SPATS2L: variants seen among roughly 807,000 people sequenced by gnomAD.
SPATS2L encodes the protein SPATS2-like protein.
SPATS2L carries 30 observed loss-of-function variants against 59.6 expected under a neutral mutation model. The observed-to-expected ratio is 0.50, with a 90% CI of 0.38 to 0.68. SPATS2L has a LOEUF of 0.68. Ranked by LOEUF, SPATS2L falls within the 30% of genes least tolerant of loss-of-function variation. SPATS2L has a pLI of 0.00. For missense variants in SPATS2L, 615 were observed against 700.0 expected (o/e 0.88, Z 1.37); for synonymous variants, 252 against 263.5 (o/e 0.96, Z 0.42).
At position 200,481,830 on chromosome 2, in the gene SPATS2L, GCCA is replaced by G. The variant is rs1317900408; in HGVS notation, c.*3804_*3806del. The G allele has an allele frequency of 6.6e-6, 1 of 152,104 alleles. No individual in the cohort carries two copies. Among genetic ancestry groups the G allele is most frequent in the African/African-American group, 2.4e-5 (1 of 41,362 alleles). 9.4% of individuals were successfully genotyped at this position (152,104 alleles called of 1,614,324 possible). On this transcript the variant is annotated 3_prime_UTR_variant, in exon 13 of 13. Transcript: ENST00000409140. ...CGAGTAGCTGGGACTACAGGCACCC[GCCA>G]CCACACCTGGCTAATTTTTTGTATT... is the stretch of plus-strand genomic sequence containing the variant.
intron 6 of SPATS2L, among the ~76,000 whole-genome samples, chr2:200,430,398 C>T (rs2083838234): frequency 1.3e-5 from 2 of 151,110 alleles, no homozygotes; most frequent in South Asian, 4.2e-4. Context: ...AAAGACTTTA[C>T]ACTAATTGAG....
At chr2:200,430,395 TTACAC>T (rs1421963397) in intron 6 of SPATS2L, among the ~76,000 whole-genome samples, 1 of 152,044 alleles carries the variant, frequency 6.6e-6, no homozygotes. Context: ...TAAAAAGACT[TTACAC>T]TAATTGAGGA....
intron 2 of SPATS2L, among the ~76,000 whole-genome samples, chr2:200,364,298 C>T (rs532306055): frequency 2.6e-5 from 4 of 152,246 alleles, no homozygotes; most frequent in African/African-American, 9.6e-5. Flanking sequence ...CACAGTGTTT[C>T]CTCTCCTGTT....
chr2:200,347,954 A>G (rs1316396504), intron 2 of SPATS2L, among the ~76,000 whole-genome samples: 1 of 152,182 alleles, frequency 6.6e-6, no homozygotes, highest in Non-Finnish European at 1.5e-5. Flanking sequence ...TTCTCTTTCC[A>G]TTATCACCCC....
At chr2:200,418,616 T>TAATC (rs1553527138) in intron 5 of SPATS2L, among the ~76,000 whole-genome samples, 70 of 145,508 alleles carry the variant, frequency 4.8e-4, no homozygotes, top group African/African-American at 1.7e-3. Context: ...AATAAATAAA[T>TAATC]AATCATGGGG....
intron 1 of SPATS2L, among the ~76,000 whole-genome samples, chr2:200,321,701 T>A (rs1031583940): frequency 3.9e-5 from 6 of 152,246 alleles, no homozygotes; most frequent in African/African-American, 1.4e-4. Flanking sequence ...AGACAACAAA[T>A]TCAAAGTGAA....
rs2087786115 is a variant in SPATS2L, at chr2:200,481,886, T to C, written c.*3855T>C. 3 of 152,272 alleles carry C rather than the reference T, an allele frequency of 2.0e-5. No homozygotes were observed. Among genetic ancestry groups the C allele is most frequent in the Non-Finnish European group, 2.9e-5 (2 of 68,094 alleles). 9.4% of individuals were successfully genotyped at this position (152,272 alleles called of 1,614,324 possible). On this transcript the variant is annotated 3_prime_UTR_variant, in exon 13 of 13. Transcript: ENST00000409140. ...TAGTAGATACAGGGTTTCACCGTGT[T>C]AGCCAGGATGGTTTTGATCTCCTGA...
At chr2:200,411,760 T>C (rs1275771107) in intron 3 of SPATS2L, among the ~76,000 whole-genome samples, 10 of 152,212 alleles carry the variant, frequency 6.6e-5, no homozygotes, top group Non-Finnish European at 2.9e-5. Flanking sequence ...CACAAACATT[T>C]TTTGGACTAT....
chr2:200,356,801 T>TATGG (rs2080932319), intron 2 of SPATS2L, among the ~76,000 whole-genome samples: 1 of 152,196 alleles, frequency 6.6e-6, no homozygotes, highest in Non-Finnish European at 1.5e-5. Flanking sequence ...GGCTAGGAAG[T>TATGG]ATGGCATTGG....
At chr2:200,307,027 T>G in intron 1 of SPATS2L, 105 bp downstream of exon 1, 1 of 930,022 alleles carries the variant, frequency 1.1e-6, no homozygotes, top group Non-Finnish European at 1.3e-6. Flanking sequence ...GGGCCGAGCA[T>G]TCCGCAGCCC....
In SPATS2L at chr2:200,388,522, C is replaced by T. The variant is rs558783607; in HGVS notation, c.-22-701C>T. The stretch of plus-strand genomic sequence containing the variant: ...AGGAGATGGAGGCTGCAGTGAACTG[C>T]GATCACGCCACTGCATTCCAGCCTG... On this transcript the variant is annotated intron_variant, in intron 2 of 12. Transcript: ENST00000409140. 5.3e-5 allele frequency among the ~76,000 whole-genome samples: 8 copies of T among 151,730 alleles called. No individual in the cohort carries two copies. In the East Asian group the frequency reaches 7.8e-4, roughly 15 times the overall value.
chr2:200,354,722 C>G (rs182229429), intron 2 of SPATS2L, among the ~76,000 whole-genome samples: 1 of 152,210 alleles, frequency 6.6e-6, no homozygotes, highest in Non-Finnish European at 1.5e-5. Flanking sequence ...TCTTATTCCT[C>G]TCCTTTCTTC....
chr2:200,470,120 G>A (rs372294390), intron 11 of SPATS2L, 104 bp downstream of exon 11: 42 of 849,654 alleles, frequency 4.9e-5, no homozygotes, highest in Admixed American at 3.6e-4. Flanking sequence ...GGGGGCTAAC[G>A]TGAGGTCTAA....
intron 2 of SPATS2L, among the ~76,000 whole-genome samples, chr2:200,387,442 T>A (rs953153906): frequency 1.3e-5 from 2 of 152,130 alleles, no homozygotes; most frequent in Admixed American, 1.3e-4. Context: ...TGGGAACTTA[T>A]AAAAATAAAA....
chr2:200,308,561 CAT>C lies in SPATS2L; in HGVS notation c.-73+1640_-73+1641del, dbSNP rs776623177. ...TTGTATGGAGCAGCAGAACAGAAAA[CAT>C]GTCAAATCTGTATCTGTGTGGCAGA... On this transcript the variant is annotated intron_variant, in intron 1 of 12. Transcript: ENST00000409140. Among the ~76,000 whole-genome samples the C allele has an allele frequency of 5.3e-5, 8 of 152,212 alleles. No homozygotes were observed. In the East Asian group the frequency reaches 1.5e-3, roughly 29 times the overall value.
At chr2:200,370,600 T>A (rs2081397709) in intron 2 of SPATS2L, among the ~76,000 whole-genome samples, 1 of 152,230 alleles carries the variant, frequency 6.6e-6, no homozygotes, top group South Asian at 2.1e-4. Flanking sequence ...AACTGACATT[T>A]ATTGAACTCT....
chr2:200,417,071 G>A (rs982028817), intron 5 of SPATS2L, among the ~76,000 whole-genome samples: 3 of 152,162 alleles, frequency 2.0e-5, no homozygotes, highest in East Asian at 1.9e-4. Flanking sequence ...CGTGAGATGC[G>A]TCTGTGCATA....
At chr2:200,431,760 A>G (rs1230936381) in intron 6 of SPATS2L, among the ~76,000 whole-genome samples, 1 of 152,208 alleles carries the variant, frequency 6.6e-6, no homozygotes, top group Admixed American at 6.5e-5. Context: ...GAATACACAC[A>G]TGGCTGTACA....
intron 1 of SPATS2L, among the ~76,000 whole-genome samples, chr2:200,322,977 G>T (rs906286541): frequency 3.3e-5 from 5 of 152,124 alleles, no homozygotes; most frequent in Non-Finnish European, 7.4e-5. Flanking sequence ...GATTATTCTG[G>T]TTTCCCTCCA....
Sources: allele counts gnomAD v4.1 joint callset (sites outside exome capture counted in the v4.1 genomes callset), GRCh38; gene constraint gnomAD v4.1.1; transcripts MANE v1.5; gene names NCBI Gene and HGNC (gene_info 2026-07-23, HGNC 2026-07-21).